Variants in TENM4 observed in about 807,000 individuals in gnomAD.
TENM4 encodes teneurin-4.
In TENM4, 82 loss-of-function variants were observed where a neutral mutation model predicts 243.3. That is an observed-to-expected ratio of 0.34 (90% CI 0.28 to 0.40). The LOEUF (loss-of-function observed/expected upper bound fraction) is 0.40. Ranked by LOEUF, TENM4 falls within the 10% of genes least tolerant of loss-of-function variation. The probability of loss-of-function intolerance (pLI) is 1.00; values close to 1 mark genes in which losing one functional copy is unlikely to be tolerated. For missense variants in TENM4, 3,138 were observed against 3,673.3 expected (o/e 0.85, Z 3.77); for synonymous variants, 1,412 against 1,456.3 (o/e 0.97, Z 0.69).
At chr11:78,955,363 C>T (rs185976126) in intron 6 of TENM4, among the ~76,000 whole-genome samples, 1 of 152,334 alleles carries the variant, frequency 6.6e-6, no homozygotes, top group African/African-American at 2.4e-5. Flanking sequence ...TTCCAGGTGC[C>T]TCTTCAACGG....
At chr11:79,299,053 G>A (rs1045082823) in intron 1 of TENM4, among the ~76,000 whole-genome samples, 1 of 138,998 alleles carries the variant, frequency 7.2e-6, no homozygotes, top group Non-Finnish European at 1.5e-5. Context: ...TAGGTGTGAG[G>A]TGCTGTATCC....
intron 6 of TENM4, among the ~76,000 whole-genome samples, chr11:78,967,921 G>A (rs1159467864): frequency 3.9e-5 from 6 of 152,228 alleles, no homozygotes; most frequent in Admixed American, 1.3e-4. Flanking sequence ...AACAAAGTGA[G>A]TGATACAGTT....
At chr11:79,277,849 C>A (rs1331213941) in intron 2 of TENM4, among the ~76,000 whole-genome samples, 1 of 152,116 alleles carries the variant, frequency 6.6e-6, no homozygotes, top group Non-Finnish European at 1.5e-5. Context: ...CTAGTTCTCA[C>A]CATCTTGGCC....
At chr11:78,793,076 A>C (rs1044028546) in intron 15 of TENM4, among the ~76,000 whole-genome samples, 18 of 152,230 alleles carry the variant, frequency 1.2e-4, no homozygotes, top group African/African-American at 4.3e-4. Flanking sequence ...TCCCCGTGCA[A>C]GCCCAGATGA....
intron 2 of TENM4, among the ~76,000 whole-genome samples, chr11:79,260,189 T>G (rs1359758743): frequency 6.6e-6 from 1 of 152,210 alleles, no homozygotes; most frequent in Admixed American, 6.5e-5. Context: ...GATAGTCACT[T>G]TCAATCATTA....
At chr11:78,847,610 T>C (rs536265994) in intron 12 of TENM4, among the ~76,000 whole-genome samples, 114 of 152,306 alleles carry the variant, frequency 7.5e-4, no homozygotes, top group African/African-American at 2.6e-3. Context: ...CAGGGAGAGG[T>C]AAATTCACAG....
Position 78,704,835 on chromosome 11 carries a change from G to A in TENM4, c.4210-2432C>T, listed in dbSNP as rs771064045. ...AAACCCCAATACATTATATACACACGAGTGAGGCCACCTCCATCTGTCCCT... is the reference window on the plus strand; with the variant it reads ...AAACCCCAATACATTATATACACACAAGTGAGGCCACCTCCATCTGTCCCT... On this transcript the variant is annotated intron_variant, in intron 27 of 33. Coordinates refer to ENST00000278550, the MANE Select transcript of TENM4 (RefSeq NM_001098816.3). Among the ~76,000 whole-genome samples, 82 of 152,254 alleles carry A rather than the reference G, an allele frequency of 5.4e-4. 1 individual carries two copies. Among genetic ancestry groups the A allele is most frequent in the Middle Eastern group, 6.8e-3 (2 of 294 alleles).
At chr11:78,676,041 T>C (rs1858460116) in intron 30 of TENM4, 111 bp downstream of exon 30, 2 of 1,069,414 alleles carry the variant, frequency 1.9e-6, no homozygotes. Context: ...AGTTCTCCCC[T>C]TTTGCAGATG....
Position 78,657,371 on chromosome 11 carries a change from G to T in TENM4, c.*687C>A, listed in dbSNP as rs746238399. On this transcript the variant is annotated 3_prime_UTR_variant, in exon 34 of 34. Coordinates refer to ENST00000278550, the MANE Select transcript of TENM4 (RefSeq NM_001098816.3). ...CAACTACACAGGATTTGCAAAAGTG[G>T]TAGGGGGTTTCATTCAGCATCAAAA... 222 of 397,700 alleles carry T rather than the reference G, an allele frequency of 5.6e-4. 1 individual carries two copies. Among genetic ancestry groups the T allele is most frequent in the Middle Eastern group, 3.2e-3 (5 of 1,574 alleles). 24.6% of individuals were successfully genotyped at this position (397,700 alleles called of 1,614,324 possible).
At chr11:79,437,411 G>T (rs995381835) in intron 1 of TENM4, among the ~76,000 whole-genome samples, 2 of 152,186 alleles carry the variant, frequency 1.3e-5, no homozygotes, top group Admixed American at 6.5e-5. Flanking sequence ...GGCCGGGGAC[G>T]GGAGAAAGGC....
At chr11:79,173,620 T>C (rs1161705579) in intron 3 of TENM4, among the ~76,000 whole-genome samples, 2 of 152,152 alleles carry the variant, frequency 1.3e-5, no homozygotes, top group Non-Finnish European at 2.9e-5. Context: ...TCAACACGCT[T>C]AGGACTTAGG....
At chr11:78,890,203 GCA>G (rs1380211073) in intron 8 of TENM4, among the ~76,000 whole-genome samples, 183 bp from the exon 9 acceptor site, 1 of 152,068 alleles carries the variant, frequency 6.6e-6, no homozygotes, top group African/African-American at 2.4e-5. Flanking sequence ...ATGGAACAGG[GCA>G]CACAGAGACA....
At chr11:79,281,744 C>G (rs764467938) in intron 2 of TENM4, among the ~76,000 whole-genome samples, 5 of 152,220 alleles carry the variant, frequency 3.3e-5, no homozygotes, top group Admixed American at 2.0e-4. Context: ...AATCTCATAT[C>G]AATTCTGCCT....
intron 6 of TENM4, among the ~76,000 whole-genome samples, chr11:78,985,603 AT>A (rs960824529): frequency 6.6e-6 from 1 of 152,200 alleles, no homozygotes; most frequent in South Asian, 2.1e-4. Flanking sequence ...ATCTTTGTAC[AT>A]TTTTTGTGTT....
At chr11:79,410,232 A>T (rs754673080) in intron 1 of TENM4, among the ~76,000 whole-genome samples, 25 of 152,122 alleles carry the variant, frequency 1.6e-4, no homozygotes, top group Non-Finnish European at 3.2e-4. Flanking sequence ...ATCACCTTGC[A>T]AATTGTTACC....
intron 12 of TENM4, among the ~76,000 whole-genome samples, chr11:78,842,443 T>C (rs545415716): frequency 2.6e-5 from 4 of 152,380 alleles, no homozygotes; most frequent in African/African-American, 9.6e-5. Context: ...CTCATTTATA[T>C]ATGTTGCTGC....
chr11:78,687,115 C>T (rs1446859249), intron 29 of TENM4, among the ~76,000 whole-genome samples: 4 of 152,158 alleles, frequency 2.6e-5, no homozygotes, highest in Non-Finnish European at 5.9e-5. Context: ...GACCAAGGCT[C>T]AGAGAAGAAG....
At position 78,669,822 on chromosome 11, in the gene TENM4, G is replaced by T; in HGVS notation, c.6523C>A (p.Arg2175=). The T allele has an allele frequency of 6.2e-7, 1 of 1,613,758 alleles. No homozygotes were observed. The highest frequency in any genetic ancestry group is 8.5e-7 in the Non-Finnish European group (1 of 1,179,834). ...WMTVQYDNMG[R]VVKKELKVGP... Reference sequence around the variant, plus strand: ...ACCTTCAGCTCCTTCTTCACTACTCGCCCCATGTTATCATACTGGACGGTC... The same window carrying T: ...ACCTTCAGCTCCTTCTTCACTACTCTCCCCATGTTATCATACTGGACGGTC... Residue 2175 remains arginine, a synonymous_variant, in exon 32 of 34, where the codon CGA becomes AGA. Transcript: ENST00000278550. The surrounding 1 kb of genome is among the most constrained non-coding windows in gnomAD (Gnocchi z 6.4).
At chr11:79,023,116 TA>T (rs956619425) in intron 6 of TENM4, among the ~76,000 whole-genome samples, 3 of 152,224 alleles carry the variant, frequency 2.0e-5, no homozygotes, top group African/African-American at 7.2e-5. Flanking sequence ...TTCATTTATT[TA>T]AAAAATTTAT....
Sources: allele counts gnomAD v4.1 joint callset (sites outside exome capture counted in the v4.1 genomes callset), GRCh38; gene constraint gnomAD v4.1.1; non-coding constraint Gnocchi (gnomAD v3.1); transcripts MANE v1.5; gene names NCBI Gene and HGNC (gene_info 2026-07-23, HGNC 2026-07-21).